ZNF354A: variants seen among roughly 807,000 people sequenced by gnomAD.
The protein encoded by ZNF354A is epididymis luminal protein 104.
Under a neutral mutation model 53.3 loss-of-function variants are expected in ZNF354A, and 25 were observed. The ratio of observed to expected loss-of-function variants is 0.47; its 90% CI spans 0.34 to 0.66. The LOEUF is 0.66. ZNF354A is among the 30% of genes least tolerant of loss of function. The probability of loss-of-function intolerance (pLI) is 0.01; values close to 1 mark genes in which losing one functional copy is unlikely to be tolerated. For synonymous variants in ZNF354A, 228 were observed against 249.0 expected (o/e 0.92, Z 0.79); for missense variants, 586 against 716.8 (o/e 0.82, Z 2.08).
In ZNF354A at chr5:178,713,435, G is replaced by A. The variant is rs141789608; in HGVS notation, c.443C>T (p.Thr148Ile). 8.7e-5 allele frequency: 141 copies of A among 1,612,934 alleles called. No homozygotes were observed. In the African/African-American group the frequency reaches 1.6e-3, roughly 18 times the overall value. ...KKGSFQIVSA[T>I]HKKIPTIERS... is the part of the protein sequence containing the mutation. ...TTCTATAGTGGGGATTTTTTTGTGGGTGGCTGAAACTATCTGAAAACTTCC... is the reference window on the plus strand; with the variant it reads ...TTCTATAGTGGGGATTTTTTTGTGGATGGCTGAAACTATCTGAAAACTTCC... The change falls in exon 5 of 5, where the codon ACC (threonine) becomes ATC (isoleucine). Residue 148 changes from threonine to isoleucine, a missense_variant. Coordinates refer to ENST00000335815, the MANE Select transcript of ZNF354A (RefSeq NM_005649.3).
chr5:178,719,689 T>G, intron 4 of ZNF354A, among the ~76,000 whole-genome samples: 1 of 152,174 alleles, frequency 6.6e-6, no homozygotes, highest in Non-Finnish European at 1.5e-5. Context: ...GGCTCACGCC[T>G]GTAATCCCAG....
chr5:178,714,663 T>C (rs1765682648), intron 4 of ZNF354A, among the ~76,000 whole-genome samples: 1 of 152,364 alleles, frequency 6.6e-6, no homozygotes, highest in African/African-American at 2.4e-5. Flanking sequence ...CTGCCTTAAT[T>C]ACTTATACAT....
In ZNF354A at chr5:178,712,078, AT is replaced by A; in HGVS notation, c.1799del (p.His600LeufsTer9). On this transcript the variant is annotated frameshift_variant, in exon 5 of 5. Coordinates refer to ENST00000335815, the MANE Select transcript of ZNF354A (RefSeq NM_005649.3). LOFTEE classifies it high-confidence loss of function. Reference sequence around the variant, plus strand: ...CTACTTTCTAGGGGTCCTCTTCGATATGAATTTTATAATGATTAGTAAGGGA... The same window carrying A: ...CTACTTTCTAGGGGTCCTCTTCGATAGAATTTTATAATGATTAGTAAGGGA... ...RSSLTNHYKIHIEEDP is the reference protein window; with the variant it reads ...RSSLTNHYKIXIEEDP The A allele has an allele frequency of 6.3e-7, 1 of 1,596,300 alleles. No homozygotes were observed. The highest frequency in any genetic ancestry group is 8.5e-7 in the Non-Finnish European group (1 of 1,170,846).
In ZNF354A at chr5:178,719,761, A is replaced by C. The variant is rs375658707; in HGVS notation, c.256+5615T>G. 1.1e-4 allele frequency among the ~76,000 whole-genome samples: 16 copies of C among 152,014 alleles called. 1 individual carries two copies. The South Asian group carries it at 1.5e-3, about 14-fold the overall frequency. Reference sequence around the variant, plus strand: ...AGGAGATCGAGACCATCCCGGCTAAAACGGTGAAACCCCGTCTCTACTAAA... The same window carrying C: ...AGGAGATCGAGACCATCCCGGCTAACACGGTGAAACCCCGTCTCTACTAAA... On this transcript the variant is annotated intron_variant, in intron 4 of 4. Transcript: ENST00000335815.
chr5:178,721,588 C>T (rs1581746425), intron 4 of ZNF354A, among the ~76,000 whole-genome samples: 1 of 152,200 alleles, frequency 6.6e-6, no homozygotes, highest in Non-Finnish European at 1.5e-5. Flanking sequence ...GAGATCACTC[C>T]ATAGTAGAAG....
In ZNF354A at chr5:178,711,680, T is replaced by C. The variant is rs1765620382; in HGVS notation, c.*380A>G. On this transcript the variant is annotated 3_prime_UTR_variant, in exon 5 of 5. Coordinates refer to ENST00000335815, the MANE Select transcript of ZNF354A (RefSeq NM_005649.3). ...AAGCTATTAAAATGCTATAAAAATA[T>C]TACCAGTTTGGTGGTCTTCTAATGA... is the stretch of plus-strand genomic sequence containing the variant. 6.1e-6 allele frequency: 1 copy of C among 163,826 alleles called. No individual in the cohort carries two copies. The highest frequency in any genetic ancestry group is 1.3e-5 in the Non-Finnish European group (1 of 75,216). The allele number at this position is 163,826 out of a possible 1,614,324, so 10.1% of individuals were successfully genotyped here. A position where few individuals can be genotyped will look rare whatever the true frequency, so the allele number is the denominator to read the frequency against.
rs747814688 is a variant in ZNF354A at position 178,712,937 on chromosome 5, A to G, written c.941T>C (p.Phe314Ser). Residue 314 changes from phenylalanine to serine, a missense_variant, in exon 5 of 5, where the codon TTT becomes TCT. Phe to Ser is a radical substitution (Grantham distance 155). Transcript: ENST00000335815. ...TTCAGCATGAATTTTTTGATGTATA[A>G]AAAGGCCTGACCTTCGGCTGAAGGA... ...GKSFSRRSGL[F>S]IHQKIHAEEN... 9.9e-6 allele frequency: 16 copies of G among 1,613,978 alleles called. No individual in the cohort carries two copies. Among genetic ancestry groups the G allele is most frequent in the Non-Finnish European group, 1.3e-5 (15 of 1,180,016 alleles).
At chr5:178,728,364 A>G (rs1374886519) in intron 2 of ZNF354A, among the ~76,000 whole-genome samples, 1 of 152,234 alleles carries the variant, frequency 6.6e-6, no homozygotes, top group African/African-American at 2.4e-5. Context: ...CCACTGAATT[A>G]TACACTTAAA....
At chr5:178,728,290 T>C (rs1445030128) in intron 2 of ZNF354A, among the ~76,000 whole-genome samples, 1 of 151,952 alleles carries the variant, frequency 6.6e-6, no homozygotes, top group African/African-American at 2.4e-5. Flanking sequence ...ATAAATGTGA[T>C]AATCTACACA....
intron 4 of ZNF354A, among the ~76,000 whole-genome samples, 188 bp from the exon 5 acceptor site, chr5:178,713,809 T>C (rs1360729123): frequency 6.6e-6 from 1 of 152,058 alleles, no homozygotes; most frequent in Non-Finnish European, 1.5e-5. Context: ...GACAGCAATT[T>C]AAGTACTAGG....
At position 178,713,578 on chromosome 5, in the gene ZNF354A, T is replaced by C. The variant is rs758716925; in HGVS notation, c.300A>G (p.Gln100=). The C allele has an allele frequency of 6.2e-5, 99 of 1,587,780 alleles. No individual in the cohort carries two copies. Among genetic ancestry groups the C allele is most frequent in the Non-Finnish European group, 8.3e-5 (98 of 1,173,750 alleles). The change falls in exon 5 of 5, where the codon CAA becomes CAG. Residue 100 remains glutamine (Q), a synonymous_variant. Coordinates refer to ENST00000335815, the MANE Select transcript of ZNF354A (RefSeq NM_005649.3). ...SHKTTKSTQT[Q]DSSFQGLILK... ...GTATCAGTCCCTGAAATGAAGAGTCTTGTGTTTGCGTTGACTTTGTGGTTT... is the reference window on the plus strand; with the variant it reads ...GTATCAGTCCCTGAAATGAAGAGTCCTGTGTTTGCGTTGACTTTGTGGTTT...
chr5:178,723,754 C>T (rs1350533069), intron 4 of ZNF354A, among the ~76,000 whole-genome samples: 1 of 152,012 alleles, frequency 6.6e-6, no homozygotes, highest in Non-Finnish European at 1.5e-5. Flanking sequence ...CTATACAAAG[C>T]TGTGGGCGAG....
At chr5:178,726,792 A>G (rs926493423) in intron 3 of ZNF354A, among the ~76,000 whole-genome samples, 3 of 152,216 alleles carry the variant, frequency 2.0e-5, no homozygotes, top group Admixed American at 6.5e-5. Context: ...ATGATTATCA[A>G]TACCACCTCT....
At chr5:178,717,141 G>A (rs1398119608) in intron 4 of ZNF354A, among the ~76,000 whole-genome samples, 2 of 151,838 alleles carry the variant, frequency 1.3e-5, no homozygotes, top group African/African-American at 4.8e-5. Flanking sequence ...GGAGGTGGGG[G>A]ACAAATCCTC....
At chr5:178,717,180 A>AT (rs1765732774) in intron 4 of ZNF354A, among the ~76,000 whole-genome samples, 1 of 152,204 alleles carries the variant, frequency 6.6e-6, no homozygotes, top group Admixed American at 6.5e-5. Context: ...AAGGACTGGA[A>AT]TTTAAGCCTA....
At chr5:178,717,156 G>A (rs764953941) in intron 4 of ZNF354A, among the ~76,000 whole-genome samples, 1 of 151,768 alleles carries the variant, frequency 6.6e-6, no homozygotes, top group Non-Finnish European at 1.5e-5. Context: ...ATCCTCTAAG[G>A]CCCAGGTCAT....
intron 4 of ZNF354A, among the ~76,000 whole-genome samples, chr5:178,721,416 A>T (rs947458567): frequency 2.0e-5 from 3 of 152,244 alleles, no homozygotes; most frequent in Non-Finnish European, 2.9e-5. Flanking sequence ...CAGTATTATC[A>T]TCTATGGGAG....
chr5:178,712,148 G>A lies in ZNF354A; in HGVS notation c.1730C>T (p.Pro577Leu). The A allele has an allele frequency of 2.5e-6, 4 of 1,613,946 alleles. No individual in the cohort carries two copies. The highest frequency in any genetic ancestry group is 3.4e-6 in the Non-Finnish European group (4 of 1,179,918). Reference sequence around the variant, plus strand: ...TTTCCCACATGTATTACATTCATAGGGTTTCTCTCCAGTATGAATTCTCTG... The same window carrying A: ...TTTCCCACATGTATTACATTCATAGAGTTTCTCTCCAGTATGAATTCTCTG... ...AHQRIHTGEK[P>L]YECNTCGKLF... Residue 577 changes from proline (P) to leucine (L), a missense_variant, in exon 5 of 5, where the codon CCC (proline) becomes CTC (leucine). Pro to Leu is a moderately conservative substitution (Grantham distance 98, BLOSUM62 -3). This residue lies in a region of ZNF354A where 573 missense variants were observed against 680.1 expected (regional missense o/e 0.84). Transcript: ENST00000335815.
Position 178,713,155 on chromosome 5 carries a change from T to C in ZNF354A, c.723A>G (p.Leu241=), listed in dbSNP as rs1472109832. The C allele has an allele frequency of 3.1e-6, 5 of 1,614,028 alleles. No individual in the cohort carries two copies. The highest frequency in any genetic ancestry group is 1.1e-5 in the South Asian group (1 of 91,088). Residue 241 remains leucine (L), a synonymous_variant, in exon 5 of 5, where the codon CTA becomes CTG. Coordinates refer to ENST00000335815, the MANE Select transcript of ZNF354A (RefSeq NM_005649.3). ...CTTTTGAACATTCTTTACACTTAAA[T>C]AGTTTCTCTCCACTATGGTTTTTCT... is the stretch of plus-strand genomic sequence containing the variant. ...KHEKNHSGEK[L]FKCKECSKAF...
Sources: gnomAD v4.1 joint callset for allele counts (sites outside exome capture counted in the v4.1 genomes callset) on GRCh38, gnomAD v4.1.1 for gene constraint, gnomAD v4.1.1 regional missense constraint, MANE v1.5 for transcripts, NCBI Gene and HGNC (gene_info 2026-07-23, HGNC 2026-07-21) for gene names.